Variants in PTPRN2 observed in about 807,000 individuals in gnomAD.
The protein encoded by PTPRN2 is protein tyrosine phosphatase receptor type N2.
A neutral mutation model predicts 118.8 loss-of-function variants in PTPRN2; 74 were observed. The observed-to-expected ratio is 0.62, with a 90% CI of 0.52 to 0.76. PTPRN2 has a LOEUF of 0.76. PTPRN2 is among the 30% of genes least tolerant of loss of function. The probability of loss-of-function intolerance (pLI) is 0.00; values close to 1 mark genes in which losing one functional copy is unlikely to be tolerated. For synonymous variants in PTPRN2, 641 were observed against 608.0 expected (o/e 1.05, Z -0.80); for missense variants, 1,481 against 1,394.4 (o/e 1.06, Z -0.99).
At chr7:157,828,820 G>T (rs1296841772) in intron 12 of PTPRN2, among the ~76,000 whole-genome samples, 2 of 152,232 alleles carry the variant, frequency 1.3e-5, no homozygotes. Flanking sequence ...GTCCAGTAGT[G>T]GAGAATTTTA....
chr7:158,067,618 C>T (rs560485544), intron 11 of PTPRN2, among the ~76,000 whole-genome samples: 20 of 152,268 alleles, frequency 1.3e-4, no homozygotes, highest in African/African-American at 3.9e-4. Flanking sequence ...GAGTGAGTGT[C>T]GGAGGCTTTG....
Position 158,458,425 on chromosome 7 carries a change from A to T in PTPRN2, c.163+31310T>A, listed in dbSNP as rs77763768. 3.0e-3 allele frequency among the ~76,000 whole-genome samples: 452 copies of T among 152,262 alleles called. 15 individuals carry two copies. In the South Asian group the frequency reaches 0.05, roughly 17 times the overall value. On this transcript the variant is annotated intron_variant, in intron 2 of 22. Coordinates refer to ENST00000389418, the MANE Select transcript of PTPRN2 (RefSeq NM_002847.5). ...TCTTAGAAATATTGACACTGGCCTC[A>T]TTCCCTGAATTCTGATTTGTCAAGA...
intron 1 of PTPRN2, among the ~76,000 whole-genome samples, chr7:158,495,446 T>A (rs56063566): frequency 6.6e-6 from 1 of 151,822 alleles, no homozygotes; most frequent in African/African-American, 2.4e-5. Context: ...CCTTCTCCCT[T>A]GCATTCTCAG....
intron 2 of PTPRN2, among the ~76,000 whole-genome samples, chr7:158,386,306 G>T (rs28463690): frequency 2.1e-5 from 1 of 47,700 alleles, no homozygotes; most frequent in Non-Finnish European, 4.3e-5. Flanking sequence ...CCCGTGCCCC[G>T]AGTCCCTCCT....
intron 11 of PTPRN2, among the ~76,000 whole-genome samples, chr7:158,061,963 T>C (rs561784531): frequency 2.7e-4 from 41 of 152,372 alleles, no homozygotes; most frequent in Non-Finnish European, 4.3e-4. Context: ...GGAGTGCCCA[T>C]GCGTGGTGTC....
At chr7:157,920,587 C>G (rs916555692) in intron 11 of PTPRN2, among the ~76,000 whole-genome samples, 2 of 152,188 alleles carry the variant, frequency 1.3e-5, no homozygotes, top group Admixed American at 6.5e-5. Context: ...TGTGTTTTAT[C>G]AATACATTTT....
chr7:158,120,003 T>C (rs1563460949), intron 9 of PTPRN2, among the ~76,000 whole-genome samples: 1 of 152,158 alleles, frequency 6.6e-6, no homozygotes, highest in African/African-American at 2.4e-5. Context: ...GCACCAAAAG[T>C]AGAATATTAT....
rs573015534 is a variant in PTPRN2 at position 158,420,078 on chromosome 7, G to A, written c.163+69657C>T. Reference sequence around the variant, plus strand: ...CAGAGCTTTGGGGCATTTTATCAGAGGTTCCTGCCACATTTGTGTCCAGCA... The same window carrying A: ...CAGAGCTTTGGGGCATTTTATCAGAAGTTCCTGCCACATTTGTGTCCAGCA... On this transcript the variant is annotated intron_variant, in intron 2 of 22. Coordinates refer to ENST00000389418, the MANE Select transcript of PTPRN2 (RefSeq NM_002847.5). 1.8e-3 allele frequency among the ~76,000 whole-genome samples: 277 copies of A among 152,256 alleles called. No individual in the cohort carries two copies. The South Asian group carries it at 0.028, about 16-fold the overall frequency.
At chr7:157,910,940 T>C (rs531948599) in intron 11 of PTPRN2, among the ~76,000 whole-genome samples, 8 of 152,366 alleles carry the variant, frequency 5.3e-5, no homozygotes, top group Admixed American at 4.6e-4. Context: ...GGAACATAAC[T>C]GCTTTCCTGA....
At chr7:158,125,920 C>T (rs1028206222) in intron 9 of PTPRN2, among the ~76,000 whole-genome samples, 4 of 152,182 alleles carry the variant, frequency 2.6e-5, no homozygotes, top group Admixed American at 6.5e-5. Flanking sequence ...TCTCGTGATG[C>T]GCTCTTCTCG....
chr7:157,601,767 G>A (rs1489404449), intron 16 of PTPRN2, among the ~76,000 whole-genome samples: 1 of 152,258 alleles, frequency 6.6e-6, no homozygotes, highest in Non-Finnish European at 1.5e-5. Context: ...AGTGGGCCCA[G>A]CTGCAACGCT....
At chr7:158,362,666 T>C (rs1418273740) in intron 2 of PTPRN2, among the ~76,000 whole-genome samples, 1 of 150,712 alleles carries the variant, frequency 6.6e-6, no homozygotes, top group East Asian at 2.0e-4. Flanking sequence ...GATAACTGGA[T>C]GTGCGTATAA....
rs370723272 is a variant in PTPRN2 at position 158,138,426 on chromosome 7, C to A, written c.1000G>T (p.Glu334Ter). ...LSGLELDGMA[E>*]LMAGLMQGVD... The stretch of plus-strand genomic sequence containing the variant: ...CCTTGCATCAGGCCAGCCATCAGCT[C>A]AGCCATGCCGTCCAGCTCCAGGCCA... Residue 334 changes from glutamate (E) to a stop codon, truncating the protein, a stop_gained, in exon 7 of 23, where the codon GAG becomes TAG. Coordinates refer to ENST00000389418, the MANE Select transcript of PTPRN2 (RefSeq NM_002847.5). LOFTEE classifies it high-confidence loss of function. 1 of 1,613,548 alleles carries A rather than the reference C, an allele frequency of 6.2e-7. No individual in the cohort carries two copies. The highest frequency in any genetic ancestry group is 8.5e-7 in the Non-Finnish European group (1 of 1,179,922).
chr7:158,259,375 G>T (rs546295570), intron 3 of PTPRN2, among the ~76,000 whole-genome samples: 12 of 152,146 alleles, frequency 7.9e-5, no homozygotes, highest in African/African-American at 2.9e-4. Flanking sequence ...CAGGGCAAGC[G>T]GCCTCTCATC....
chr7:158,208,857 GATATAA>G (rs1320060200), intron 3 of PTPRN2, among the ~76,000 whole-genome samples: 4 of 152,040 alleles, frequency 2.6e-5, no homozygotes, highest in Admixed American at 2.6e-4. Context: ...CAGATATAAA[GATATAA>G]ATAGAAACAA....
intron 3 of PTPRN2, among the ~76,000 whole-genome samples, chr7:158,240,296 C>T (rs1378959285): frequency 6.6e-5 from 10 of 152,136 alleles, no homozygotes; most frequent in Admixed American, 5.9e-4. Flanking sequence ...ATAAAACTAG[C>T]ACATTAGTCT....
chr7:157,931,380 C>T (rs571083155), intron 11 of PTPRN2, among the ~76,000 whole-genome samples: 3 of 152,268 alleles, frequency 2.0e-5, no homozygotes, highest in East Asian at 1.9e-4. Context: ...AGTGAGGAGG[C>T]GTTTGGCCCG....
intron 12 of PTPRN2, among the ~76,000 whole-genome samples, chr7:157,737,218 A>G (rs1410084553): frequency 1.3e-5 from 2 of 152,176 alleles, no homozygotes; most frequent in Admixed American, 6.5e-5. Flanking sequence ...GTCTTCCTTC[A>G]CCAGACGGCC....
chr7:158,321,101 C>T (rs940817489), intron 2 of PTPRN2, among the ~76,000 whole-genome samples: 4 of 139,016 alleles, frequency 2.9e-5, no homozygotes, highest in African/African-American at 5.4e-5. Flanking sequence ...GATGAGACTC[C>T]GGAGTCGGGA....
Sources: gnomAD v4.1 joint callset for allele counts (sites outside exome capture counted in the v4.1 genomes callset) on GRCh38, gnomAD v4.1.1 for gene constraint, MANE v1.5 for transcripts, NCBI Gene and HGNC (gene_info 2026-07-23, HGNC 2026-07-21) for gene names.